LRBA: variants seen among roughly 807,000 people sequenced by gnomAD.
LRBA encodes LPS responsive beige-like anchor protein.
LRBA carries 176 observed loss-of-function variants against 330.0 expected under a neutral mutation model. The observed-to-expected ratio is 0.53, with a 90% CI of 0.47 to 0.60. The LOEUF (loss-of-function observed/expected upper bound fraction) is 0.60. Among genes scored for constraint, LRBA ranks in the 20% least tolerant of loss-of-function variants. The pLI is 0.00. For synonymous variants in LRBA, 1,230 were observed against 1,193.0 expected (o/e 1.03, Z -0.64); for missense variants, 3,259 against 3,444.8 (o/e 0.95, Z 1.35).
At chr4:150,430,990 G>A (rs1750308106) in intron 46 of LRBA, among the ~76,000 whole-genome samples, 1 of 88,172 alleles carries the variant, frequency 1.1e-5, no homozygotes, top group African/African-American at 2.6e-5. Context: ...CTCAAGAGAA[G>A]GGGAAAAAAT....
chr4:150,510,845 TTTTA>T (rs1761749497), intron 40 of LRBA, among the ~76,000 whole-genome samples: 1 of 151,998 alleles, frequency 6.6e-6, no homozygotes, highest in African/African-American at 2.4e-5. Flanking sequence ...TTTTTTATTA[TTTTA>T]TTTATTTACT....
intron 37 of LRBA, among the ~76,000 whole-genome samples, chr4:150,670,295 C>CTTTATAATA (rs1781943918): frequency 6.6e-6 from 1 of 152,116 alleles, no homozygotes; most frequent in Non-Finnish European, 1.5e-5. Flanking sequence ...TCTTACCTCC[C>CTTTATAATA]ATTTATAAAT....
intron 9 of LRBA, among the ~76,000 whole-genome samples, chr4:150,911,948 C>T (rs1047826049): frequency 2.6e-5 from 4 of 151,832 alleles, no homozygotes; most frequent in African/African-American, 9.7e-5. Context: ...GAAAATTGTC[C>T]ATTTCTTCTA....
intron 36 of LRBA, among the ~76,000 whole-genome samples, chr4:150,724,421 T>A (rs1729381579): frequency 6.6e-6 from 1 of 152,104 alleles, no homozygotes; most frequent in Admixed American, 6.6e-5. Flanking sequence ...GGGGTCCAAG[T>A]CCTTTCAAAT....
At chr4:150,539,495 G>A (rs75236811) in intron 40 of LRBA, among the ~76,000 whole-genome samples, 4,008 of 152,174 alleles carry the variant, frequency 0.026, 165 homozygotes, top group African/African-American at 0.091. Context: ...ATCTCTAAAA[G>A]TTGGAAACAT....
chr4:150,899,573 T>C (rs1339359528), intron 14 of LRBA, among the ~76,000 whole-genome samples: 2 of 152,174 alleles, frequency 1.3e-5, no homozygotes, highest in Non-Finnish European at 2.9e-5. Context: ...AATATTACCC[T>C]TTCAGCAAGT....
chr4:150,568,457 C>A (rs556280456), intron 40 of LRBA, among the ~76,000 whole-genome samples: 1 of 152,120 alleles, frequency 6.6e-6, no homozygotes, highest in South Asian at 2.1e-4. Flanking sequence ...TTTATTCCCT[C>A]CTTCTTTCTA....
chr4:150,373,156 TGTGTGTGTGTGTGTGTGA>T (rs1021330729), intron 47 of LRBA, among the ~76,000 whole-genome samples: 12 of 148,604 alleles, frequency 8.1e-5, no homozygotes, highest in South Asian at 4.3e-4. Flanking sequence ...TGTGTGTGTG[TGTGTGTGTGTGTGTGTGA>T]GAGAGAGAGA....
At chr4:150,435,840 G>A in intron 45 of LRBA, 132 bp from the exon 46 acceptor site, 1 of 494,030 alleles carries the variant, frequency 2.0e-6, no homozygotes, top group South Asian at 4.0e-5. Context: ...TATATAATGA[G>A]AATTATATCT....
In LRBA at chr4:150,421,055, AAT is replaced by A. The variant is rs1276138390; in HGVS notation, c.7042-5467_7042-5466del. On this transcript the variant is annotated intron_variant, in intron 46 of 56. Transcript: ENST00000651943. The stretch of plus-strand genomic sequence containing the variant: ...ATAAAGTATATATAATATACATTAT[AAT>A]ATATATAAAGTATATATAATATACA... 1.7e-3 allele frequency among the ~76,000 whole-genome samples: 69 copies of A among 40,210 alleles called. 13 individuals carry two copies. Among genetic ancestry groups the A allele is most frequent in the African/African-American group, 7.8e-3 (63 of 8,040 alleles). 26.4% of individuals were successfully genotyped at this position (40,210 alleles called of 152,430 possible).
At chr4:150,770,683 C>T (rs1736441174) in intron 34 of LRBA, among the ~76,000 whole-genome samples, 1 of 151,944 alleles carries the variant, frequency 6.6e-6, no homozygotes, top group African/African-American at 2.4e-5. Flanking sequence ...GTCATGTGAT[C>T]ACAGTTGGTA....
intron 52 of LRBA, among the ~76,000 whole-genome samples, chr4:150,308,780 A>G (rs1001063441): frequency 2.0e-5 from 3 of 152,226 alleles, no homozygotes; most frequent in Non-Finnish European, 4.4e-5. Flanking sequence ...ATAAGGATAT[A>G]TAGAAAATAT....
chr4:150,925,207 A>G (rs1259548684), intron 4 of LRBA, among the ~76,000 whole-genome samples: 1 of 151,880 alleles, frequency 6.6e-6, no homozygotes, highest in Non-Finnish European at 1.5e-5. Flanking sequence ...TTATGTGCTT[A>G]CACTTATCAT....
Position 150,852,397 on chromosome 4 carries a change from C to T in LRBA, c.3313G>A (p.Glu1105Lys). Residue 1105 changes from glutamate to lysine, a missense_variant, in exon 23 of 57, where the codon GAG becomes AAG. Glu to Lys is a moderately conservative substitution (Grantham distance 56). Transcript: ENST00000651943. ...AGTTCCACATAATCATCATCTTCCT[C>T]TTCCTCTACTATAGATTTATCCAAG... ...EFLDKSIVEEEEDDDYVELKV... is the reference protein window; with the variant it reads ...EFLDKSIVEEKEDDDYVELKV... 6.2e-7 allele frequency: 1 copy of T among 1,613,632 alleles called. No individual in the cohort carries two copies. Among genetic ancestry groups the T allele is most frequent in the Non-Finnish European group, 8.5e-7 (1 of 1,179,950 alleles).
intron 40 of LRBA, among the ~76,000 whole-genome samples, chr4:150,501,292 T>C (rs1265858896): frequency 1.3e-5 from 2 of 152,160 alleles, no homozygotes; most frequent in African/African-American, 4.8e-5. Context: ...GACTGATGGA[T>C]GGAGGGCCAA....
At chr4:150,365,009 TGA>T (rs758828996) in intron 47 of LRBA, among the ~76,000 whole-genome samples, 1 of 151,446 alleles carries the variant, frequency 6.6e-6, no homozygotes, top group Non-Finnish European at 1.5e-5. Context: ...TGTGTGTGTG[TGA>T]GAGAGAGAGA....
At chr4:150,821,184 T>C (rs181637519) in intron 30 of LRBA, among the ~76,000 whole-genome samples, 1 of 152,126 alleles carries the variant, frequency 6.6e-6, no homozygotes, top group South Asian at 2.1e-4. Flanking sequence ...TCAAACTTTT[T>C]AGCATAAGGA....
intron 47 of LRBA, among the ~76,000 whole-genome samples, chr4:150,371,182 ATTTTTT>A (rs70937395): frequency 2.8e-4 from 26 of 91,928 alleles, no homozygotes; most frequent in African/African-American, 1.0e-3. Flanking sequence ...AAGCTACTAA[ATTTTTT>A]TTTTTTTTTT....
chr4:150,558,793 T>C (rs2152264736), intron 40 of LRBA, among the ~76,000 whole-genome samples: 1 of 152,350 alleles, frequency 6.6e-6, no homozygotes, highest in South Asian at 2.1e-4. Context: ...TCCATTTGTA[T>C]TTATATTAAG....
Sources: allele counts gnomAD v4.1 joint callset (sites outside exome capture counted in the v4.1 genomes callset), GRCh38; gene constraint gnomAD v4.1.1; transcripts MANE v1.5; gene names NCBI Gene and HGNC (gene_info 2026-07-23, HGNC 2026-07-21).